Variants in TBC1D8 observed in about 807,000 individuals in gnomAD.
The protein encoded by TBC1D8 is TBC1 domain family member 8, also known as BUB2-like protein 1.
A neutral mutation model predicts 118.8 loss-of-function variants in TBC1D8; 65 were observed. The ratio of observed to expected loss-of-function variants is 0.55; its 90% CI spans 0.45 to 0.67. The LOEUF (loss-of-function observed/expected upper bound fraction) is 0.67, where lower values mean the gene tolerates loss of function less well. TBC1D8 is among the 30% of genes least tolerant of loss of function. The probability of loss-of-function intolerance (pLI) is 0.00; values close to 1 mark genes in which losing one functional copy is unlikely to be tolerated. For missense variants in TBC1D8, 1,376 were observed against 1,471.2 expected, an observed-to-expected ratio of 0.94 and a Z score of 1.06; for synonymous variants, 566 against 595.8, an observed-to-expected ratio of 0.95 and a Z score of 0.73.
At chr2:101,141,923 A>C (rs1679122069) in intron 1 of TBC1D8, among the ~76,000 whole-genome samples, 1 of 152,218 alleles carries the variant, frequency 6.6e-6, no homozygotes, top group Non-Finnish European at 1.5e-5. Flanking sequence ...CAAATACTTA[A>C]TGAACACATA....
chr2:101,150,978 A>G, intron 1 of TBC1D8, 149 bp downstream of exon 1: 2 of 504,458 alleles, frequency 4.0e-6, no homozygotes, highest in Non-Finnish European at 5.1e-6. Flanking sequence ...CGCAGAAAAA[A>G]GGAAAACAAG....
chr2:101,089,120 C>A (rs941159990), intron 2 of TBC1D8, among the ~76,000 whole-genome samples: 4 of 152,170 alleles, frequency 2.6e-5, no homozygotes, highest in Admixed American at 2.6e-4. Context: ...AAGGCCAAGG[C>A]AGGCTGATCA....
intron 1 of TBC1D8, among the ~76,000 whole-genome samples, chr2:101,097,124 A>G (rs1676508604): frequency 6.6e-6 from 1 of 152,228 alleles, no homozygotes; most frequent in Admixed American, 6.5e-5. Context: ...GAATTACTGC[A>G]GACTTCTCAT....
At chr2:101,130,270 C>T (rs1174244616) in intron 1 of TBC1D8, among the ~76,000 whole-genome samples, 1 of 152,236 alleles carries the variant, frequency 6.6e-6, no homozygotes, top group South Asian at 2.1e-4. Flanking sequence ...CTGGAAGCGT[C>T]GATCGGGCCA....
At chr2:101,147,841 T>C (rs1264145895) in intron 1 of TBC1D8, among the ~76,000 whole-genome samples, 2 of 152,202 alleles carry the variant, frequency 1.3e-5, no homozygotes, top group Admixed American at 6.5e-5. Context: ...CTCCGGGCTC[T>C]TTGTTCTCCC....
intron 15 of TBC1D8, among the ~76,000 whole-genome samples, chr2:101,023,380 G>A (rs1032383662): frequency 2.0e-5 from 3 of 151,806 alleles, no homozygotes; most frequent in Admixed American, 6.6e-5. Context: ...TCTTGACCTT[G>A]GGTGATCCAC....
intron 2 of TBC1D8, among the ~76,000 whole-genome samples, chr2:101,075,397 A>AAT (rs2105440999): frequency 6.6e-6 from 1 of 151,724 alleles, no homozygotes; most frequent in East Asian, 1.9e-4. Context: ...TCTCAAAAAA[A>AAT]AAAAAAAAAT....
intron 5 of TBC1D8, among the ~76,000 whole-genome samples, chr2:101,044,678 A>C (rs935966729): frequency 5.9e-5 from 9 of 152,240 alleles, no homozygotes; most frequent in African/African-American, 2.2e-4. Flanking sequence ...CCAGTGCTGC[A>C]CACACAAGCC....
At chr2:101,122,003 T>A (rs945028360) in intron 1 of TBC1D8, among the ~76,000 whole-genome samples, 1 of 148,880 alleles carries the variant, frequency 6.7e-6, no homozygotes, top group Non-Finnish European at 1.5e-5. Context: ...TAGGCAGAGG[T>A]TGCAGTGAGC....
At chr2:101,051,225 G>A (rs976122479) in intron 4 of TBC1D8, among the ~76,000 whole-genome samples, 7 of 152,138 alleles carry the variant, frequency 4.6e-5, no homozygotes, top group African/African-American at 7.2e-5. Context: ...ACATACGCAC[G>A]TATGTGTCTT....
chr2:101,012,595 TGTG>T (rs150182948), intron 17 of TBC1D8, among the ~76,000 whole-genome samples: 2,079 of 151,116 alleles, frequency 0.014, 57 homozygotes, highest in African/African-American at 0.048. Context: ...TAAAATTGAT[TGTG>T]GTGATCGCTG....
rs771998667 is a variant in TBC1D8, at chr2:101,059,401, A to G, written c.402+20T>C. 56 of 1,566,416 alleles carry G rather than the reference A, an allele frequency of 3.6e-5. No homozygotes were observed. The highest frequency in any genetic ancestry group is 4.7e-5 in the Non-Finnish European group (54 of 1,137,004). On this transcript the variant is annotated intron_variant, in intron 3 of 19. Coordinates refer to ENST00000409318, the MANE Select transcript of TBC1D8 (RefSeq NM_001330348.2). ...GAAAGATGGAAAGATGGGGAGAAACATGAAACTCAGGGGACCTACCTTTAC... is the reference window on the plus strand; with the variant it reads ...GAAAGATGGAAAGATGGGGAGAAACGTGAAACTCAGGGGACCTACCTTTAC...
At chr2:101,105,876 C>A (rs894415270) in intron 1 of TBC1D8, among the ~76,000 whole-genome samples, 3 of 152,066 alleles carry the variant, frequency 2.0e-5, no homozygotes, top group South Asian at 2.1e-4. Flanking sequence ...ATTTACCCAA[C>A]TGACGTAAAA....
In TBC1D8 at chr2:101,074,073, C is replaced by T. The variant is rs552527631; in HGVS notation, c.284-14534G>A. On this transcript the variant is annotated intron_variant, in intron 2 of 19. Transcript: ENST00000409318. ...CAGCCTATCTCAATTTTTGATATGC[C>T]TTTCTCATTAAGCTTAATCATTTTT... Among the ~76,000 whole-genome samples, 90 of 152,338 alleles carry T rather than the reference C, an allele frequency of 5.9e-4. 1 individual carries two copies. The highest frequency in any genetic ancestry group is 2.0e-3 in the African/African-American group (84 of 41,582).
At position 101,011,648 on chromosome 2, in the gene TBC1D8, T is replaced by G. The variant is rs1679222149; in HGVS notation, c.2828-108A>C. 3.5e-5 allele frequency: 40 copies of G among 1,153,704 alleles called. 1 individual carries two copies. In the South Asian group the frequency reaches 5.3e-4, roughly 15 times the overall value. 71.5% of individuals were successfully genotyped at this position (1,153,704 alleles called of 1,614,324 possible). On this transcript the variant is annotated intron_variant, in intron 17 of 19. Transcript: ENST00000409318. The stretch of plus-strand genomic sequence containing the variant: ...AAGGCTAAGCCAGCAGCTCCCAGCC[T>G]GTGGACTGTAGTTTTTGCAGGGTCC...
chr2:101,112,587 G>A (rs1007518004), intron 1 of TBC1D8, among the ~76,000 whole-genome samples: 4 of 152,184 alleles, frequency 2.6e-5, no homozygotes, highest in Admixed American at 1.3e-4. Context: ...GCCAAACGCA[G>A]GACAATCCAG....
chr2:101,073,651 G>T (rs1674621515), intron 2 of TBC1D8, among the ~76,000 whole-genome samples: 1 of 152,160 alleles, frequency 6.6e-6, no homozygotes, highest in African/African-American at 2.4e-5. Flanking sequence ...AACGAGCTCT[G>T]CTGGACCTTC....
chr2:101,135,589 G>C (rs1199215138), intron 1 of TBC1D8, among the ~76,000 whole-genome samples: 1 of 152,192 alleles, frequency 6.6e-6, no homozygotes, highest in Non-Finnish European at 1.5e-5. Flanking sequence ...ATCACATTCA[G>C]CGATATGCAC....
chr2:101,035,834 A>G (rs1011313944), intron 9 of TBC1D8, among the ~76,000 whole-genome samples, 184 bp downstream of exon 9: 1 of 152,224 alleles, frequency 6.6e-6, no homozygotes, highest in African/African-American at 2.4e-5. Context: ...AGGCCCAGGC[A>G]GCCTGACCCA....
Sources: allele counts gnomAD v4.1 joint callset (sites outside exome capture counted in the v4.1 genomes callset), GRCh38; gene constraint gnomAD v4.1.1; transcripts MANE v1.5; gene names NCBI Gene and HGNC (gene_info 2026-07-23, HGNC 2026-07-21).